EPC2: variants seen among roughly 807,000 people sequenced by gnomAD.
The protein encoded by EPC2 is enhancer of polycomb homolog 2.
Under a neutral mutation model 92.1 loss-of-function variants are expected in EPC2, and 14 were observed. The observed-to-expected ratio is 0.15, with a 90% CI of 0.10 to 0.24. EPC2 has a LOEUF of 0.24. Among genes scored for constraint, EPC2 ranks in the 10% least tolerant of loss-of-function variants. The pLI is 1.00. For missense variants in EPC2, 755 were observed against 971.5 expected, an observed-to-expected ratio of 0.78 and a Z score of 2.96; for synonymous variants, 340 against 334.7, an observed-to-expected ratio of 1.02 and a Z score of -0.17.
At chr2:148,700,234 A>G in intron 2 of EPC2, among the ~76,000 whole-genome samples, 1 of 152,142 alleles carries the variant, frequency 6.6e-6, no homozygotes, top group Non-Finnish European at 1.5e-5. Flanking sequence ...AATGAAGTCC[A>G]GCTTAACAAT....
chr2:148,678,205 A>C (rs1379413679), intron 1 of EPC2, among the ~76,000 whole-genome samples: 1 of 152,166 alleles, frequency 6.6e-6, no homozygotes, highest in Non-Finnish European at 1.5e-5. Flanking sequence ...CTTGAGCTAG[A>C]CACAGGGTGC....
At chr2:148,675,202 GA>G (rs1244949991) in intron 1 of EPC2, among the ~76,000 whole-genome samples, 1 of 151,786 alleles carries the variant, frequency 6.6e-6, no homozygotes, top group African/African-American at 2.4e-5. Context: ...TTATTTCTGA[GA>G]TTTTTTTTTC....
intron 2 of EPC2, among the ~76,000 whole-genome samples, chr2:148,718,489 C>T (rs1682301956): frequency 6.6e-6 from 1 of 152,130 alleles, no homozygotes. Flanking sequence ...TTTTCCTTTG[C>T]TTATGAAGCT....
intron 2 of EPC2, among the ~76,000 whole-genome samples, chr2:148,727,675 A>G (rs889401491): frequency 2.6e-5 from 4 of 152,208 alleles, no homozygotes; most frequent in Non-Finnish European, 5.9e-5. Flanking sequence ...CCTTCATTCT[A>G]TGCTTGTTAA....
intron 1 of EPC2, chr2:148,645,392 A>C (rs1214296666): frequency 8.4e-6 from 4 of 477,962 alleles, no homozygotes; most frequent in South Asian, 2.5e-5. Context: ...ATTAGCTCGC[A>C]GCGCTGCTTA....
At chr2:148,755,230 C>A (rs753867826) in intron 4 of EPC2, among the ~76,000 whole-genome samples, 1 of 152,126 alleles carries the variant, frequency 6.6e-6, no homozygotes, top group Non-Finnish European at 1.5e-5. Flanking sequence ...TTTAATTTGG[C>A]ATTCTGGTTC....
chr2:148,692,209 A>C (rs1291454496), intron 2 of EPC2: 2 of 173,264 alleles, frequency 1.2e-5, no homozygotes, highest in Non-Finnish European at 1.2e-5. Flanking sequence ...TAAAGACTTA[A>C]CTCCCTTATG....
chr2:148,732,914 A>G lies in EPC2; in HGVS notation c.314-10708A>G, dbSNP rs952934944. Among the ~76,000 whole-genome samples the G allele has an allele frequency of 2.7e-5, 4 of 150,612 alleles. No homozygotes were observed. The East Asian group carries it at 7.8e-4, about 30-fold the overall frequency. On this transcript the variant is annotated intron_variant, in intron 2 of 13. Coordinates refer to ENST00000258484, the MANE Select transcript of EPC2 (RefSeq NM_015630.4). ...TTCATAATAATGTAAATCAAATTAT[A>G]ATGGTCAATTCTAAATATTAAGTGA...
rs188506900 is a variant in EPC2 at position 148,691,227 on chromosome 2, A to T, written c.313+854A>T. On this transcript the variant is annotated intron_variant, in intron 2 of 13. Transcript: ENST00000258484. ...TACTCTTCTAATCTAGCTTCTCTCC[A>T]AAAGAACTTCTAGAGTAGGATTTTT... Among the ~76,000 whole-genome samples, 8 of 152,262 alleles carry T rather than the reference A, an allele frequency of 5.3e-5. No homozygotes were observed. The East Asian group carries it at 1.5e-3, about 29-fold the overall frequency.
chr2:148,765,698 A>G (rs373561324), intron 7 of EPC2, among the ~76,000 whole-genome samples: 1 of 152,212 alleles, frequency 6.6e-6, no homozygotes, highest in Non-Finnish European at 1.5e-5. Flanking sequence ...CAATTAAAAA[A>G]TATTTTTATA....
At chr2:148,665,028 TAA>T (rs1295082024) in intron 1 of EPC2, among the ~76,000 whole-genome samples, 1 of 152,220 alleles carries the variant, frequency 6.6e-6, no homozygotes, top group Non-Finnish European at 1.5e-5. Context: ...GGTTCTACCA[TAA>T]AGATACTTTG....
intron 10 of EPC2, among the ~76,000 whole-genome samples, chr2:148,776,846 GTC>G (rs1553451213): frequency 1.5e-5 from 2 of 129,274 alleles, no homozygotes; most frequent in East Asian, 2.7e-4. Context: ...GCAAGACCCT[GTC>G]TCTCTCTCTT....
chr2:148,700,028 T>G (rs1020843180), intron 2 of EPC2, among the ~76,000 whole-genome samples: 1 of 152,202 alleles, frequency 6.6e-6, no homozygotes, highest in South Asian at 2.1e-4. Context: ...TATATCTTCT[T>G]TAGTGTGGTG....
At chr2:148,660,163 T>C (rs1279487349) in intron 1 of EPC2, among the ~76,000 whole-genome samples, 1 of 152,190 alleles carries the variant, frequency 6.6e-6, no homozygotes, top group African/African-American at 2.4e-5. Context: ...TTCTATGTAA[T>C]ATATTTGTAT....
chr2:148,664,024 A>G (rs1458989799), intron 1 of EPC2, among the ~76,000 whole-genome samples: 1 of 152,126 alleles, frequency 6.6e-6, no homozygotes, highest in East Asian at 1.9e-4. Flanking sequence ...CTTGGAACTA[A>G]GAAAGATCCT....
chr2:148,716,546 T>G (rs1047138906), intron 2 of EPC2, among the ~76,000 whole-genome samples: 11 of 152,224 alleles, frequency 7.2e-5, no homozygotes, highest in African/African-American at 2.7e-4. Context: ...TGATGAACAT[T>G]TATTAATTTG....
intron 2 of EPC2, among the ~76,000 whole-genome samples, chr2:148,702,982 C>G (rs1681919199): frequency 6.6e-6 from 1 of 152,210 alleles, no homozygotes; most frequent in African/African-American, 2.4e-5. Flanking sequence ...AGTCTTCCCA[C>G]TGTATCATAC....
intron 1 of EPC2, 49 bp downstream of exon 1, chr2:148,645,219 C>T: frequency 1.4e-6 from 2 of 1,465,842 alleles, no homozygotes; most frequent in African/African-American, 1.4e-5. Flanking sequence ...CCCCCCTCCC[C>T]TTTGTCAGTC....
At chr2:148,730,793 T>C (rs1682603119) in intron 2 of EPC2, among the ~76,000 whole-genome samples, 1 of 152,244 alleles carries the variant, frequency 6.6e-6, no homozygotes, top group South Asian at 2.1e-4. Flanking sequence ...GAGGCCATTT[T>C]AGTATATACT....
Sources: allele counts gnomAD v4.1 joint callset (sites outside exome capture counted in the v4.1 genomes callset), GRCh38; gene constraint gnomAD v4.1.1; transcripts MANE v1.5; gene names NCBI Gene and HGNC (gene_info 2026-07-23, HGNC 2026-07-21).